Variants in CEP70 observed in about 807,000 individuals in gnomAD.
CEP70 encodes the protein centrosomal protein 70, also known as centrosomal protein of 70 kDa.
CEP70 carries 70 observed loss-of-function variants against 90.9 expected under a neutral mutation model. The ratio of observed to expected loss-of-function variants is 0.77; its 90% CI spans 0.64 to 0.94. The LOEUF (loss-of-function observed/expected upper bound fraction) is 0.94. CEP70 is among the 40% of genes least tolerant of loss of function. The pLI, the probability that CEP70 is intolerant of heterozygous loss-of-function variation, is 0.00. For synonymous variants in CEP70, 220 were observed against 228.3 expected (o/e 0.96, Z 0.33); for missense variants, 648 against 669.0 (o/e 0.97, Z 0.35).
Position 138,508,534 on chromosome 3 carries a change from G to A in CEP70, c.955C>T (p.Leu319Phe). 1 of 1,602,722 alleles carries A rather than the reference G, an allele frequency of 6.2e-7. No homozygotes were observed. Among genetic ancestry groups the A allele is most frequent in the Non-Finnish European group, 8.5e-7 (1 of 1,170,136 alleles). Residue 319 changes from leucine (L) to phenylalanine (F), a missense_variant, in exon 12 of 18, where the codon CTT (leucine) becomes TTT (phenylalanine). Transcript: ENST00000264982. ...TCCTCAGCCTTCTTATGATTAATAA[G>A]CTCCTGTAATCTAAAAGGGGGAAAA... ...ALKKNVKLQELINHKKAEDTE... is the reference protein window; with the variant it reads ...ALKKNVKLQEFINHKKAEDTE...
chr3:138,584,478 A>G lies in CEP70; in HGVS notation c.-6+7376T>C, dbSNP rs112559140. On this transcript the variant is annotated intron_variant, in intron 2 of 17. Transcript: ENST00000264982. ...AGACATATCAAAAAAAAAAAAAAAA[A>G]AGAGAGAGAGAGAGAAAAACCTACA... 1.7e-3 allele frequency among the ~76,000 whole-genome samples: 258 copies of G among 149,150 alleles called. 1 individual carries two copies. Among genetic ancestry groups the G allele is most frequent in the South Asian group, 0.014 (67 of 4,704 alleles).
chr3:138,592,958 T>A (rs1031540680), intron 1 of CEP70: 3 of 152,248 alleles, frequency 2.0e-5, no homozygotes, highest in Admixed American at 1.3e-4. Context: ...TGTTTAATGT[T>A]CCTAAGAAAG....
chr3:138,557,101 G>A (rs1036722758), intron 6 of CEP70, among the ~76,000 whole-genome samples: 5 of 152,240 alleles, frequency 3.3e-5, no homozygotes, highest in Non-Finnish European at 5.9e-5. Context: ...CCTCAGGGGC[G>A]CATTCTCTTT....
intron 2 of CEP70, among the ~76,000 whole-genome samples, chr3:138,574,325 A>G (rs2041372007): frequency 6.6e-6 from 1 of 152,212 alleles, no homozygotes; most frequent in Non-Finnish European, 1.5e-5. Context: ...ATGCCCATGG[A>G]GCCTTGCTCA....
rs776669001 is a variant in CEP70, at chr3:138,559,860, A to G, written c.465+10458T>C. Among the ~76,000 whole-genome samples, 57 of 152,372 alleles carry G rather than the reference A, an allele frequency of 3.7e-4. 1 individual carries two copies. The highest frequency in any genetic ancestry group is 7.2e-4 in the Non-Finnish European group (49 of 68,032). The stretch of plus-strand genomic sequence containing the variant: ...GCAGAAACAATGAATCCAAGAGACA[A>G]TGGAATATTTTCAAATGCTGAAAGT... On this transcript the variant is annotated intron_variant, in intron 6 of 17. Coordinates refer to ENST00000264982, the MANE Select transcript of CEP70 (RefSeq NM_024491.4).
chr3:138,574,433 G>T (rs975447193), intron 2 of CEP70, among the ~76,000 whole-genome samples: 7 of 152,228 alleles, frequency 4.6e-5, no homozygotes, highest in African/African-American at 1.4e-4. Context: ...AAACAAAGCG[G>T]CAGGAAAGCT....
chr3:138,553,699 C>A (rs2107977076), intron 6 of CEP70, among the ~76,000 whole-genome samples: 1 of 152,136 alleles, frequency 6.6e-6, no homozygotes, highest in Middle Eastern at 3.4e-3. Flanking sequence ...CCCTGATGAA[C>A]ATAGATGCAA....
intron 13 of CEP70, 74 bp downstream of exon 13, chr3:138,505,221 G>T: frequency 1.7e-6 from 2 of 1,174,302 alleles, no homozygotes; most frequent in Non-Finnish European, 1.1e-6. Context: ...TTTTAGCCCT[G>T]AATTAAGTCC....
intron 17 of CEP70, chr3:138,496,902 C>T: frequency 1.0e-6 from 1 of 985,576 alleles, no homozygotes; most frequent in Middle Eastern, 5.2e-4. Flanking sequence ...ATAAGTGTTA[C>T]CAGCACACCC....
In CEP70 at chr3:138,500,807, A is replaced by C. The variant is rs143913326; in HGVS notation, c.1296T>G (p.Asn432Lys). The change falls in exon 14 of 18, where the codon AAT (asparagine) becomes AAG (lysine). Residue 432 changes from asparagine to lysine, a missense_variant. Coordinates refer to ENST00000264982, the MANE Select transcript of CEP70 (RefSeq NM_024491.4). ...PWLNLKKQDE[N>K]EGIKVEDLLF... is the part of the protein sequence containing the mutation. ...ACAAATCTTCAACTTTGATACCTTC[A>C]TTTTCATCCTGCTTCTTCAAATTAA... 1 of 1,605,552 alleles carries C rather than the reference A, an allele frequency of 6.2e-7. No homozygotes were observed. The highest frequency in any genetic ancestry group is 1.7e-5 in the Admixed American group (1 of 59,166).
chr3:138,529,633 AT>A (rs1473089314), intron 8 of CEP70, among the ~76,000 whole-genome samples, 171 bp from the exon 9 acceptor site: 1 of 152,238 alleles, frequency 6.6e-6, no homozygotes, highest in Non-Finnish European at 1.5e-5. Context: ...ATCTAATATT[AT>A]AGTACATACA....
At chr3:138,579,691 T>C (rs2041748590) in intron 2 of CEP70, among the ~76,000 whole-genome samples, 1 of 151,856 alleles carries the variant, frequency 6.6e-6, no homozygotes, top group Non-Finnish European at 1.5e-5. Flanking sequence ...AAAGAGCCCT[T>C]GGGCACTGAA....
intron 12 of CEP70, among the ~76,000 whole-genome samples, chr3:138,505,862 T>TA (rs1191118179): frequency 6.6e-6 from 1 of 152,110 alleles, no homozygotes; most frequent in Non-Finnish European, 1.5e-5. Flanking sequence ...GCCCACCCCA[T>TA]TAGGAAAGGC....
At chr3:138,554,919 G>A (rs1329352421) in intron 6 of CEP70, among the ~76,000 whole-genome samples, 2 of 152,104 alleles carry the variant, frequency 1.3e-5, no homozygotes, top group African/African-American at 2.4e-5. Flanking sequence ...CACGCCACAT[G>A]TAGAAGAATG....
chr3:138,575,030 A>G (rs981598839), intron 2 of CEP70, among the ~76,000 whole-genome samples: 2 of 152,214 alleles, frequency 1.3e-5, no homozygotes, highest in African/African-American at 2.4e-5. Context: ...TCCAAAAATC[A>G]AAGCGCCTCT....
intron 6 of CEP70, among the ~76,000 whole-genome samples, chr3:138,558,359 C>T (rs1031117696): frequency 6.6e-5 from 10 of 151,900 alleles, no homozygotes; most frequent in Non-Finnish European, 1.2e-4. Context: ...AGCAAGACTC[C>T]GTCTCAAAAA....
At chr3:138,499,107 GA>G (rs1322859328) in intron 16 of CEP70, among the ~76,000 whole-genome samples, 1 of 151,954 alleles carries the variant, frequency 6.6e-6, no homozygotes, top group Admixed American at 6.6e-5. Flanking sequence ...TGGGAAGGAA[GA>G]AATAGGCCAA....
intron 2 of CEP70, among the ~76,000 whole-genome samples, chr3:138,585,042 G>A (rs1005173483): frequency 6.6e-6 from 1 of 152,048 alleles, no homozygotes; most frequent in African/African-American, 2.4e-5. Context: ...GACTGGAATT[G>A]CTCTAGCTAG....
intron 2 of CEP70, among the ~76,000 whole-genome samples, chr3:138,585,895 G>T (rs922380669): frequency 3.4e-4 from 51 of 152,096 alleles, no homozygotes; most frequent in Non-Finnish European, 1.5e-5. Context: ...AATGAATCAA[G>T]ACTTAAATCT....
Sources: allele counts gnomAD v4.1 joint callset (sites outside exome capture counted in the v4.1 genomes callset), GRCh38; gene constraint gnomAD v4.1.1; transcripts MANE v1.5; gene names NCBI Gene and HGNC (gene_info 2026-07-23, HGNC 2026-07-21).